The following NIBAN2 variants were observed in gnomAD, a reference collection of about 807,000 sequenced individuals.
The protein encoded by NIBAN2 is protein Niban 2.
NIBAN2 carries 36 observed loss-of-function variants against 81.8 expected under a neutral mutation model. The ratio of observed to expected loss-of-function variants is 0.44; its 90% CI spans 0.34 to 0.58. NIBAN2 has a LOEUF of 0.58. Among genes scored for constraint, NIBAN2 ranks in the 20% least tolerant of loss-of-function variants. The pLI, the probability that NIBAN2 is intolerant of heterozygous loss-of-function variation, is 0.02. For synonymous variants in NIBAN2, 445 were observed against 441.6 expected (o/e 1.01, Z -0.10); for missense variants, 897 against 1,014.1 (o/e 0.88, Z 1.57).
intron 2 of NIBAN2, among the ~76,000 whole-genome samples, chr9:127,530,688 AC>A (rs1837162403): frequency 6.6e-6 from 1 of 152,172 alleles, no homozygotes. Flanking sequence ...AGGCACAACC[AC>A]CCTGTGAAGG....
At chr9:127,569,260 GC>G (rs1837916571), upstream of NIBAN2, among the ~76,000 whole-genome samples, 3 of 142,956 alleles carry the variant, frequency 2.1e-5, no homozygotes, top group Admixed American at 2.1e-4. Context: ...TCCAGGGCCC[GC>G]CCCGTATGCC....
At chr9:127,509,389 T>C (rs2132151966) in intron 9 of NIBAN2, among the ~76,000 whole-genome samples, 1 of 152,196 alleles carries the variant, frequency 6.6e-6, no homozygotes, top group South Asian at 2.1e-4. Flanking sequence ...CAGAAGGCAC[T>C]CATCCCTTCT....
chr9:127,527,444 T>G, intron 2 of NIBAN2, 122 bp from the exon 3 acceptor site: 1 of 974,358 alleles, frequency 1.0e-6, no homozygotes, highest in South Asian at 1.4e-5. Flanking sequence ...TCCTCCATTT[T>G]GGGTCTCCCC....
chr9:127,517,313 ACCT>A lies in NIBAN2; in HGVS notation c.706-100_706-98del, dbSNP rs1405966628. The A allele has an allele frequency of 8.1e-6, 8 of 984,590 alleles. No homozygotes were observed. The Middle Eastern group carries it at 9.4e-4, about 115-fold the overall frequency. The allele number at this position is 984,590 out of a possible 1,614,324, so 61.0% of individuals were successfully genotyped here. A position where few individuals can be genotyped will look rare whatever the true frequency, so the allele number is the denominator to read the frequency against. On this transcript the variant is annotated intron_variant, in intron 6 of 13. Transcript: ENST00000373312. The surrounding 1 kb of genome is among the most constrained non-coding windows in gnomAD (Gnocchi z 4.0). ...CACAAGCCAGGCCGCTGCAGCCCCC[ACCT>A]CCTCCGCGACTGGCCCATTGCTTCA...
At chr9:127,540,887 C>T (rs1000045118) in intron 1 of NIBAN2, among the ~76,000 whole-genome samples, 2 of 152,214 alleles carry the variant, frequency 1.3e-5, no homozygotes, top group Admixed American at 6.5e-5. Flanking sequence ...AGGCCCAGCC[C>T]GGTTTCAGGG....
chr9:127,523,661 C>G lies in NIBAN2; in HGVS notation c.589+18G>C. The G allele has an allele frequency of 1.2e-6, 2 of 1,601,060 alleles. No individual in the cohort carries two copies. The highest frequency in any genetic ancestry group is 1.7e-6 in the Non-Finnish European group (2 of 1,169,704). Reference sequence around the variant, plus strand: ...CTGCCCCTCCCTCCCACCGACCCTGCACCCACAGGCCACTCACCATTGTTG... The same window carrying G: ...CTGCCCCTCCCTCCCACCGACCCTGGACCCACAGGCCACTCACCATTGTTG... On this transcript the variant is annotated intron_variant, in intron 5 of 13. Coordinates refer to ENST00000373312, the MANE Select transcript of NIBAN2 (RefSeq NM_022833.4).
At chr9:127,564,994 G>A (rs879413239) in intron 1 of NIBAN2, among the ~76,000 whole-genome samples, 3 of 152,214 alleles carry the variant, frequency 2.0e-5, no homozygotes, top group African/African-American at 7.2e-5. Flanking sequence ...AACGGAGAAA[G>A]ATGGAGGGTG....
chr9:127,546,310 C>G (rs759164568), intron 1 of NIBAN2, among the ~76,000 whole-genome samples: 1 of 152,244 alleles, frequency 6.6e-6, no homozygotes, highest in Non-Finnish European at 1.5e-5. Context: ...AGCATCCCCA[C>G]GCCTGTCCAC....
At position 127,513,696 on chromosome 9, in the gene NIBAN2, T is replaced by C. The variant is rs1328474620; in HGVS notation, c.973+3161A>G. On this transcript the variant is annotated intron_variant, in intron 8 of 13. Transcript: ENST00000373312. ...AGGGAGGCATGAATAATCCACCCCT[T>C]GTTTAGCATGTCATCAGAAATAACC... Among the ~76,000 whole-genome samples, 3 of 152,346 alleles carry C rather than the reference T, an allele frequency of 2.0e-5. No homozygotes were observed. In the East Asian group the frequency reaches 5.8e-4, roughly 29 times the overall value.
chr9:127,529,400 A>G (rs920372968), intron 2 of NIBAN2, among the ~76,000 whole-genome samples: 13 of 151,690 alleles, frequency 8.6e-5, no homozygotes, highest in African/African-American at 3.1e-4. Context: ...GCACTTTGGG[A>G]GGCCGAGGCA....
chr9:127,569,229 C>A, upstream of NIBAN2: 2 of 385,950 alleles, frequency 5.2e-6, no homozygotes, highest in Non-Finnish European at 7.0e-6. Context: ...TCCTGCACCC[C>A]CCTGCGCCCC....
At chr9:127,551,612 GGCTGAGGCAGGAGAATT>G (rs1837578449) in intron 1 of NIBAN2, among the ~76,000 whole-genome samples, 2 of 152,054 alleles carry the variant, frequency 1.3e-5, no homozygotes, top group South Asian at 4.2e-4. Flanking sequence ...CTACTTGGGA[GGCTGAGGCAGGAGAATT>G]GCTAGAACCC....
In NIBAN2 at chr9:127,510,246, G is replaced by T. The variant is rs761168162; in HGVS notation, c.1061C>A (p.Thr354Asn). Residue 354 changes from threonine to asparagine, a missense_variant, in exon 9 of 14, where the codon ACC (threonine) becomes AAC (asparagine). Around this residue, in one of 3 missense-constraint regions of NIBAN2, gnomAD observed 619 missense variants for 691.0 expected, o/e 0.90. Coordinates refer to ENST00000373312, the MANE Select transcript of NIBAN2 (RefSeq NM_022833.4). ...PSILEALMVP[T>N]SQGFTEVRDV... ...TCGCACCTCAGTGAAGCCCTGGCTG[G>T]TGGGGACCATCAGGGCCTCCAGGAT... The T allele has an allele frequency of 1.2e-6, 2 of 1,614,088 alleles. No individual in the cohort carries two copies. Among genetic ancestry groups the T allele is most frequent in the South Asian group, 2.2e-5 (2 of 91,084 alleles).
chr9:127,543,229 GT>G (rs1013950911), intron 1 of NIBAN2, among the ~76,000 whole-genome samples: 2 of 152,214 alleles, frequency 1.3e-5, no homozygotes, highest in Non-Finnish European at 2.9e-5. Context: ...GCACAGAACA[GT>G]TAGGGAGCCC....
chr9:127,564,110 T>C (rs1433065518), intron 1 of NIBAN2, among the ~76,000 whole-genome samples: 1 of 151,928 alleles, frequency 6.6e-6, no homozygotes, highest in Non-Finnish European at 1.5e-5. Context: ...TTGACCAATA[T>C]GGTAAAACCC....
At position 127,568,887 on chromosome 9, in the gene NIBAN2, T is replaced by C. The variant is rs1470499989; in HGVS notation, c.-13A>G. 6.9e-6 allele frequency: 9 copies of C among 1,297,776 alleles called. No homozygotes were observed. Among genetic ancestry groups the C allele is most frequent in the Non-Finnish European group, 8.8e-6 (9 of 1,021,894 alleles). The allele number at this position is 1,297,776 out of a possible 1,614,324, so 80.4% of individuals were successfully genotyped here. A position where few individuals can be genotyped will look rare whatever the true frequency, so the allele number is the denominator to read the frequency against. On this transcript the variant is annotated 5_prime_UTR_variant, in exon 1 of 14. Coordinates refer to ENST00000373312, the MANE Select transcript of NIBAN2 (RefSeq NM_022833.4). ...GCACGTCCCCCATGGCCAGGAGGTGTCGCGGCCCGATCCGGCCGACGCCGC... is the reference window on the plus strand; with the variant it reads ...GCACGTCCCCCATGGCCAGGAGGTGCCGCGGCCCGATCCGGCCGACGCCGC...
At chr9:127,577,718 G>A (rs979229724) in intron 1 of NIBAN2, among the ~76,000 whole-genome samples, 7 of 152,010 alleles carry the variant, frequency 4.6e-5, no homozygotes, top group African/African-American at 1.7e-4. Flanking sequence ...CTTTTTGTTT[G>A]TTTGTTTGTT....
At chr9:127,562,095 TGTGA>T (rs1187693019) in intron 1 of NIBAN2, among the ~76,000 whole-genome samples, 6 of 152,162 alleles carry the variant, frequency 3.9e-5, no homozygotes, top group African/African-American at 1.2e-4. Context: ...GGTCAGAGGC[TGTGA>T]GTCTCAGACT....
chr9:127,575,182 C>A (rs1410842986), intron 1 of NIBAN2, among the ~76,000 whole-genome samples: 8 of 151,908 alleles, frequency 5.3e-5, no homozygotes. Flanking sequence ...TTCACATCCT[C>A]AAACTAGCCC....
Sources: gnomAD v4.1 joint callset for allele counts (sites outside exome capture counted in the v4.1 genomes callset) on GRCh38, gnomAD v4.1.1 for gene constraint, gnomAD v4.1.1 regional missense constraint, Gnocchi (gnomAD v3.1) non-coding constraint, MANE v1.5 for transcripts, NCBI Gene and HGNC (gene_info 2026-07-23, HGNC 2026-07-21) for gene names.